The following NNT variants were observed in gnomAD, a reference collection of about 807,000 sequenced individuals.
NNT encodes the protein NAD(P) transhydrogenase, mitochondrial.
A neutral mutation model predicts 104.8 loss-of-function variants in NNT; 50 were observed. That is an observed-to-expected ratio of 0.48 (90% CI 0.38 to 0.60). NNT has a LOEUF of 0.60. NNT is among the 20% of genes least tolerant of loss of function. The pLI, the probability that NNT is intolerant of heterozygous loss-of-function variation, is 0.00. For synonymous variants in NNT, 461 were observed against 490.4 expected, an observed-to-expected ratio of 0.94 and a Z score of 0.79; for missense variants, 1,131 against 1,330.7, an observed-to-expected ratio of 0.85 and a Z score of 2.33.
chr5:43,697,581 A>T (rs1044322706), intron 19 of NNT, among the ~76,000 whole-genome samples: 1 of 152,156 alleles, frequency 6.6e-6, no homozygotes, highest in African/African-American at 2.4e-5. Flanking sequence ...GTCCATTTTC[A>T]TGCTGCTGAT....
chr5:43,606,910 C>A (rs1464432590), intron 1 of NNT, among the ~76,000 whole-genome samples: 1 of 152,154 alleles, frequency 6.6e-6, no homozygotes, highest in African/African-American at 2.4e-5. Flanking sequence ...TTAAAAATTT[C>A]CATTACCAAT....
chr5:43,650,635 C>T (rs1339591245), intron 12 of NNT, 48 bp downstream of exon 12: 1 of 1,354,264 alleles, frequency 7.4e-7, no homozygotes, highest in East Asian at 2.3e-5. Flanking sequence ...TGGAGACATA[C>T]AAAGCAAATA....
At chr5:43,703,656 C>T (rs1178805000) in intron 21 of NNT, among the ~76,000 whole-genome samples, 1 of 152,172 alleles carries the variant, frequency 6.6e-6, no homozygotes, top group Non-Finnish European at 1.5e-5. Flanking sequence ...ATCCATAACA[C>T]ATGTCATTGT....
chr5:43,677,653 A>G, intron 18 of NNT, 72 bp from the exon 19 acceptor site: 1 of 1,332,640 alleles, frequency 7.5e-7, no homozygotes, highest in Non-Finnish European at 1.1e-6. Flanking sequence ...GTTTTCATCA[A>G]GAGAGAAGTT....
chr5:43,669,405 T>C (rs1740918247), intron 17 of NNT, among the ~76,000 whole-genome samples: 1 of 152,198 alleles, frequency 6.6e-6, no homozygotes, highest in Non-Finnish European at 1.5e-5. Flanking sequence ...CAGTATAATA[T>C]TGGCTGTGGG....
intron 17 of NNT, chr5:43,666,967 A>G: frequency 6.3e-7 from 1 of 1,593,296 alleles, no homozygotes; most frequent in Non-Finnish European, 8.5e-7. Context: ...CTTGCGGCTG[A>G]CACCCTTTGG....
chr5:43,677,634 T>C, intron 18 of NNT, 91 bp from the exon 19 acceptor site: 1 of 1,139,446 alleles, frequency 8.8e-7, no homozygotes, highest in Non-Finnish European at 1.3e-6. Flanking sequence ...TCTGTTGGCA[T>C]AAACATGTGT....
chr5:43,621,397 T>C (rs899954213), intron 5 of NNT, among the ~76,000 whole-genome samples: 1 of 152,162 alleles, frequency 6.6e-6, no homozygotes, highest in Admixed American at 6.5e-5. Flanking sequence ...AATCAATCAG[T>C]TGAAGGCTTA....
At chr5:43,671,567 T>C (rs1191549442) in intron 17 of NNT, among the ~76,000 whole-genome samples, 4 of 152,228 alleles carry the variant, frequency 2.6e-5, no homozygotes, top group Non-Finnish European at 5.9e-5. Flanking sequence ...GGATATGAAA[T>C]TCTGGGTTGA....
At chr5:43,657,281 A>G (rs1740108865) in intron 16 of NNT, among the ~76,000 whole-genome samples, 2 of 152,266 alleles carry the variant, frequency 1.3e-5, no homozygotes, top group African/African-American at 4.8e-5. Flanking sequence ...AAAACCCTGT[A>G]TGCTCAGTGA....
intron 1 of NNT, among the ~76,000 whole-genome samples, chr5:43,607,641 C>T (rs1479280630): frequency 6.6e-6 from 1 of 152,122 alleles, no homozygotes; most frequent in Non-Finnish European, 1.5e-5. Flanking sequence ...TTAGTAGAGA[C>T]GAGGTTTTGC....
chr5:43,614,743 A>G (rs1317529002), intron 3 of NNT, among the ~76,000 whole-genome samples: 1 of 152,268 alleles, frequency 6.6e-6, no homozygotes. Flanking sequence ...ATTGCTAACT[A>G]GGAACTAATG....
intron 17 of NNT, among the ~76,000 whole-genome samples, chr5:43,668,657 G>C (rs1471444929): frequency 6.6e-6 from 1 of 152,152 alleles, no homozygotes; most frequent in Non-Finnish European, 1.5e-5. Flanking sequence ...TTTGGTACCA[G>C]TACCATGCTG....
chr5:43,649,713 G>A (rs1299625180), intron 11 of NNT, among the ~76,000 whole-genome samples: 2 of 151,998 alleles, frequency 1.3e-5, no homozygotes, highest in African/African-American at 4.8e-5. Context: ...GCTACAATAG[G>A]CCCCATGTGG....
At chr5:43,666,910 A>G in intron 17 of NNT, 1 of 1,575,716 alleles carries the variant, frequency 6.3e-7, no homozygotes, top group Non-Finnish European at 8.6e-7. Context: ...ACAGGCACAA[A>G]CACGCTTCCC....
At chr5:43,656,511 T>A in intron 15 of NNT, 142 bp from the exon 16 acceptor site, 1 of 695,362 alleles carries the variant, frequency 1.4e-6, no homozygotes, top group East Asian at 2.9e-5. Context: ...GAGGGACTAG[T>A]TGACTTTTGA....
At chr5:43,673,450 T>A (rs1327038644) in intron 17 of NNT, among the ~76,000 whole-genome samples, 1 of 152,200 alleles carries the variant, frequency 6.6e-6, no homozygotes, top group African/African-American at 2.4e-5. Flanking sequence ...ACTCTTTTTT[T>A]AAAAAAGTTA....
chr5:43,620,941 T>G (rs1750054957), intron 5 of NNT, among the ~76,000 whole-genome samples: 1 of 152,216 alleles, frequency 6.6e-6, no homozygotes, highest in Non-Finnish European at 1.5e-5. Flanking sequence ...AAAAGAGGCT[T>G]AAAGAAAAGA....
At chr5:43,670,110 G>T (rs1191795737) in intron 17 of NNT, among the ~76,000 whole-genome samples, 1 of 152,126 alleles carries the variant, frequency 6.6e-6, no homozygotes, top group South Asian at 2.1e-4. Flanking sequence ...TTGTATTTCT[G>T]TGGGATTGGT....
Sources: allele counts gnomAD v4.1 joint callset (sites outside exome capture counted in the v4.1 genomes callset), GRCh38; gene constraint gnomAD v4.1.1; transcripts MANE v1.5; gene names NCBI Gene and HGNC (gene_info 2026-07-23, HGNC 2026-07-21).